CEP85L: variants seen among roughly 807,000 people sequenced by gnomAD.
The protein encoded by CEP85L is centrosomal protein of 85 kDa-like.
CEP85L carries 60 observed loss-of-function variants against 100.3 expected under a neutral mutation model. The observed-to-expected ratio is 0.60, with a 90% CI of 0.49 to 0.74. CEP85L has a LOEUF of 0.74. Among genes scored for constraint, CEP85L ranks in the 30% least tolerant of loss-of-function variants. The pLI is 0.00. For missense variants in CEP85L, 973 were observed against 936.2 expected, an observed-to-expected ratio of 1.04 and a Z score of -0.51; for synonymous variants, 319 against 322.7, an observed-to-expected ratio of 0.99 and a Z score of 0.12.
chr6:118,598,165 T>C (rs772795691), intron 2 of CEP85L, among the ~76,000 whole-genome samples: 1 of 152,228 alleles, frequency 6.6e-6, no homozygotes, highest in Non-Finnish European at 1.5e-5. Context: ...CACATCATTC[T>C]TCCCTCAAAA....
At chr6:118,645,522 T>C (rs1476977471) in intron 1 of CEP85L, among the ~76,000 whole-genome samples, 1 of 151,964 alleles carries the variant, frequency 6.6e-6, no homozygotes, top group Non-Finnish European at 1.5e-5. Context: ...ATACAAAAAT[T>C]AGCCAGCAGT....
At chr6:118,544,329 T>C (rs1387459053) in intron 3 of CEP85L, among the ~76,000 whole-genome samples, 1 of 152,184 alleles carries the variant, frequency 6.6e-6, no homozygotes, top group Admixed American at 6.5e-5. Flanking sequence ...TTCTGTCCGT[T>C]TCCTTTGTAC....
chr6:118,501,883 T>G, intron 5 of CEP85L: 1 of 1,255,080 alleles, frequency 8.0e-7, no homozygotes, highest in East Asian at 2.4e-5. Context: ...GCAAAGAAAA[T>G]AAAAAGAAAG....
intron 2 of CEP85L, chr6:118,589,654 G>C (rs368307778): frequency 7.0e-5 from 20 of 284,760 alleles, no homozygotes; most frequent in African/African-American, 4.6e-4. Context: ...CTCAGGGATA[G>C]GATGCAAGCC....
intron 5 of CEP85L, among the ~76,000 whole-genome samples, chr6:118,499,934 A>C (rs750526780): frequency 6.6e-6 from 1 of 152,192 alleles, no homozygotes; most frequent in African/African-American, 2.4e-5. Flanking sequence ...TTGGAAAGGA[A>C]GGAAGAAATA....
chr6:118,591,939 A>G (rs1013025068), intron 2 of CEP85L, among the ~76,000 whole-genome samples: 3 of 152,224 alleles, frequency 2.0e-5, no homozygotes, highest in Non-Finnish European at 2.9e-5. Context: ...TAAGGAACAA[A>G]GTTACTTGAT....
At chr6:118,513,537 C>T (rs949485441) in intron 4 of CEP85L, among the ~76,000 whole-genome samples, 3 of 151,974 alleles carry the variant, frequency 2.0e-5, no homozygotes, top group African/African-American at 7.2e-5. Context: ...ATCAATAAGA[C>T]AATGAAGTAC....
At chr6:118,629,682 T>C (rs1465444570) in intron 2 of CEP85L, among the ~76,000 whole-genome samples, 1 of 152,186 alleles carries the variant, frequency 6.6e-6, no homozygotes, top group Non-Finnish European at 1.5e-5. Context: ...TACCACATGA[T>C]CCAGCAATTG....
At chr6:118,692,747 G>GTCTCT (rs1239668899) in intron 1 of CEP85L, among the ~76,000 whole-genome samples, 7 of 62,678 alleles carry the variant, frequency 1.1e-4, no homozygotes, top group Non-Finnish European at 1.2e-4. Flanking sequence ...AGCTAGTTAA[G>GTCTCT]GGCAGAAGAA....
At chr6:118,600,372 A>AGTGTGTGTGT in intron 2 of CEP85L, among the ~76,000 whole-genome samples, 1 of 62,798 alleles carries the variant, frequency 1.6e-5, no homozygotes, top group African/African-American at 7.2e-5. Flanking sequence ...TGTGTGTGTA[A>AGTGTGTGTGT]CGCCATGGAG....
rs914334023 is a variant in CEP85L at position 118,465,191 on chromosome 6, A to G, written c.*214T>C. ...CATTTTTTTCCTTGTAGATTTTATC[A>G]TATTTTCCAAAGGTAATTTGATTTT... On this transcript the variant is annotated 3_prime_UTR_variant, in exon 13 of 13. Transcript: ENST00000368491. 1 of 473,010 alleles carries G rather than the reference A, an allele frequency of 2.1e-6. No homozygotes were observed. Among genetic ancestry groups the G allele is most frequent in the East Asian group, 3.4e-5 (1 of 28,986 alleles). 29.3% of individuals were successfully genotyped at this position (473,010 alleles called of 1,614,324 possible). A position where few individuals can be genotyped will look rare whatever the true frequency, so the allele number is the denominator to read the frequency against.
intron 2 of CEP85L, among the ~76,000 whole-genome samples, chr6:118,591,259 T>A (rs922471719): frequency 5.3e-5 from 8 of 152,096 alleles, no homozygotes; most frequent in Non-Finnish European, 1.2e-4. Context: ...TTCCTAGAAC[T>A]AAATTAAGAT....
At chr6:118,465,666 C>T (rs1772461594) in intron 12 of CEP85L, 98 bp from the exon 13 acceptor site, 1 of 1,060,282 alleles carries the variant, frequency 9.4e-7, no homozygotes, top group Non-Finnish European at 1.4e-6. Flanking sequence ...CAGTGCTACA[C>T]ACTGAATACC....
At chr6:118,484,238 C>T (rs1293911227) in intron 6 of CEP85L, among the ~76,000 whole-genome samples, 1 of 152,224 alleles carries the variant, frequency 6.6e-6, no homozygotes, top group African/African-American at 2.4e-5. Flanking sequence ...ATCGCTTGAA[C>T]TGGGGTGGCT....
intron 6 of CEP85L, among the ~76,000 whole-genome samples, chr6:118,487,325 T>C (rs1016558269): frequency 6.6e-6 from 1 of 152,148 alleles, no homozygotes; most frequent in Non-Finnish European, 1.5e-5. Context: ...AATTAGGCAA[T>C]GTGTCTCAGG....
At chr6:118,500,882 G>C (rs1415850630) in intron 5 of CEP85L, among the ~76,000 whole-genome samples, 2 of 152,186 alleles carry the variant, frequency 1.3e-5, no homozygotes, top group Non-Finnish European at 2.9e-5. Context: ...CAGCTTGTGA[G>C]AGGCTTCTCA....
intron 5 of CEP85L, among the ~76,000 whole-genome samples, chr6:118,508,589 T>A (rs1383374714): frequency 6.6e-6 from 1 of 152,086 alleles, no homozygotes; most frequent in Non-Finnish European, 1.5e-5. Context: ...CTGAGTGATA[T>A]CTACTTCTAA....
chr6:118,620,088 C>A (rs1773341303), intron 2 of CEP85L, among the ~76,000 whole-genome samples: 1 of 152,158 alleles, frequency 6.6e-6, no homozygotes, highest in East Asian at 1.9e-4. Flanking sequence ...CACAATTACA[C>A]AGGGAAAAGA....
chr6:118,554,776 G>A (rs1778753616), intron 3 of CEP85L, among the ~76,000 whole-genome samples: 1 of 152,196 alleles, frequency 6.6e-6, no homozygotes, highest in Non-Finnish European at 1.5e-5. Flanking sequence ...AGAATCAACT[G>A]AAGCTTGCAT....
Sources: allele counts gnomAD v4.1 joint callset (sites outside exome capture counted in the v4.1 genomes callset), GRCh38; gene constraint gnomAD v4.1.1; transcripts MANE v1.5; gene names NCBI Gene and HGNC (gene_info 2026-07-23, HGNC 2026-07-21).